The following HDAC9 variants were observed in gnomAD, a reference collection of about 807,000 sequenced individuals.
The protein encoded by HDAC9 is histone deacetylase 9, also known as MEF-2 interacting transcription repressor (MITR) protein.
HDAC9 carries 41 observed loss-of-function variants against 139.4 expected under a neutral mutation model. The ratio of observed to expected loss-of-function variants is 0.29; its 90% confidence interval spans 0.23 to 0.38. The LOEUF is 0.38. Ranked by LOEUF, HDAC9 falls within the 10% of genes least tolerant of loss-of-function variation. The pLI, the probability that HDAC9 is intolerant of heterozygous loss-of-function variation, is 1.00. For missense variants in HDAC9, 1,147 were observed against 1,297.0 expected (o/e 0.88, Z 1.78); for synonymous variants, 517 against 476.2 (o/e 1.09, Z -1.12).
chr7:18,180,542 A>G (rs994303709), intron 2 of HDAC9, among the ~76,000 whole-genome samples: 2 of 152,158 alleles, frequency 1.3e-5, no homozygotes, highest in South Asian at 2.1e-4. Flanking sequence ...AAAGAGTGTC[A>G]GAACTCAATG....
chr7:18,920,557 T>A (rs1359068910), intron 22 of HDAC9, among the ~76,000 whole-genome samples: 2 of 152,146 alleles, frequency 1.3e-5, no homozygotes, highest in African/African-American at 4.8e-5. Flanking sequence ...AGAGAGGGCA[T>A]CCCTGTCTTG....
In HDAC9 at chr7:18,836,924, T is replaced by C. The variant is rs1055623362; in HGVS notation, c.2684+927T>C. 4.6e-5 allele frequency among the ~76,000 whole-genome samples: 7 copies of C among 152,042 alleles called. 1 individual carries two copies. Among genetic ancestry groups the C allele is most frequent in the African/African-American group, 1.4e-4 (6 of 41,432 alleles). ...GTGTTCATAGTTTTGAAATTTGCCA[T>C]TTATAAGTTCCCATGAAGAAAATCC... is the stretch of plus-strand genomic sequence containing the variant. On this transcript the variant is annotated intron_variant, in intron 21 of 25. Coordinates refer to ENST00000686413, the MANE Select transcript of HDAC9 (RefSeq NM_178425.4).
intron 15 of HDAC9, among the ~76,000 whole-genome samples, chr7:18,764,628 T>A (rs1270664171): frequency 1.3e-5 from 2 of 152,130 alleles, no homozygotes; most frequent in African/African-American, 4.8e-5. Flanking sequence ...ATTGTTGTTG[T>A]TGTTTGTTTG....
chr7:18,541,991 C>T (rs1048623849), intron 2 of HDAC9, among the ~76,000 whole-genome samples: 1 of 152,086 alleles, frequency 6.6e-6, no homozygotes, highest in Non-Finnish European at 1.5e-5. Flanking sequence ...CTGGCCAGTT[C>T]TTTGTTGTGG....
chr7:18,333,505 G>A (rs990690373), intron 1 of HDAC9, among the ~76,000 whole-genome samples: 1 of 151,352 alleles, frequency 6.6e-6, no homozygotes, highest in African/African-American at 2.4e-5. Context: ...CATGTCATCA[G>A]GATATAAACC....
At chr7:18,950,688 A>G (rs1044858115) in intron 23 of HDAC9, among the ~76,000 whole-genome samples, 11 of 152,010 alleles carry the variant, frequency 7.2e-5, no homozygotes, top group African/African-American at 1.9e-4. Flanking sequence ...GGAAAGGGCC[A>G]TAGGAGGGGA....
At chr7:18,820,566 A>T (rs1412436617) in intron 17 of HDAC9, among the ~76,000 whole-genome samples, 1 of 152,140 alleles carries the variant, frequency 6.6e-6, no homozygotes, top group African/African-American at 2.4e-5. Flanking sequence ...TGGGGTGCAA[A>T]ATCGGGGGCC....
chr7:18,544,696 A>T (rs527693973), intron 2 of HDAC9, among the ~76,000 whole-genome samples: 1 of 152,192 alleles, frequency 6.6e-6, no homozygotes, highest in African/African-American at 2.4e-5. Context: ...GAACAGGAGG[A>T]TGTGGACTAT....
At chr7:18,459,638 A>C (rs998388177) in intron 1 of HDAC9, among the ~76,000 whole-genome samples, 1 of 152,068 alleles carries the variant, frequency 6.6e-6, no homozygotes, top group Non-Finnish European at 1.5e-5. Flanking sequence ...TTTAATTTTC[A>C]TGGTATTCAA....
In HDAC9 at chr7:18,114,523, C is replaced by A. The variant is rs533729091; in HGVS notation, c.-97+27310C>A. Among the ~76,000 whole-genome samples, 19 of 152,262 alleles carry A rather than the reference C, an allele frequency of 1.2e-4. No homozygotes were observed. The South Asian group carries it at 3.7e-3, about 30-fold the overall frequency. On this transcript the variant is annotated intron_variant, in intron 1 of 12. Coordinates refer to the HDAC9 transcript ENST00000417496. ...TGGAAGGCTACCTTTTTAGTCCTTA[C>A]CTGCAGGCCTGGGACAAACTTTGTT...
Position 18,904,140 on chromosome 7 carries a change from C to G in HDAC9, c.2803+29544C>G, listed in dbSNP as rs1801986337. Among the ~76,000 whole-genome samples, 3 of 152,190 alleles carry G rather than the reference C, an allele frequency of 2.0e-5. No individual in the cohort carries two copies. The South Asian group carries it at 6.2e-4, about 32-fold the overall frequency. ...TTAAAAATATGTATTTTCCCGATTT[C>G]TTTTAAGTAGATAAAGTTTACTTTC... On this transcript the variant is annotated intron_variant, in intron 22 of 25. Coordinates refer to ENST00000686413, the MANE Select transcript of HDAC9 (RefSeq NM_178425.4).
At chr7:18,679,755 A>ACC (rs1434913360) in intron 12 of HDAC9, among the ~76,000 whole-genome samples, 1 of 151,824 alleles carries the variant, frequency 6.6e-6, no homozygotes, top group Admixed American at 6.6e-5. Flanking sequence ...TAGATAATGG[A>ACC]CTATTTATAA....
intron 1 of HDAC9, among the ~76,000 whole-genome samples, chr7:18,479,804 A>T (rs1795399769): frequency 6.6e-6 from 1 of 152,020 alleles, no homozygotes; most frequent in Non-Finnish European, 1.5e-5. Flanking sequence ...TATTTTATTA[A>T]CATTATTTTA....
chr7:18,729,237 C>T (rs1459208766), intron 13 of HDAC9, among the ~76,000 whole-genome samples: 2 of 151,916 alleles, frequency 1.3e-5, no homozygotes, highest in African/African-American at 4.8e-5. Flanking sequence ...GAGTAACAAC[C>T]ATTCTATCAA....
chr7:18,520,002 T>C (rs1804511983), intron 2 of HDAC9, among the ~76,000 whole-genome samples: 1 of 152,142 alleles, frequency 6.6e-6, no homozygotes, highest in Non-Finnish European at 1.5e-5. Flanking sequence ...TAAGCTCAAC[T>C]AATGGATTCA....
At chr7:18,456,557 A>G (rs1054560466) in intron 1 of HDAC9, among the ~76,000 whole-genome samples, 4 of 152,120 alleles carry the variant, frequency 2.6e-5, no homozygotes, top group Admixed American at 6.6e-5. Context: ...TTGAGCTTAT[A>G]TATACTCACC....
intron 12 of HDAC9, among the ~76,000 whole-genome samples, chr7:18,683,485 A>G (rs1782036216): frequency 6.6e-6 from 1 of 151,858 alleles, no homozygotes; most frequent in Non-Finnish European, 1.5e-5. Context: ...AGGGTTTGAC[A>G]TCTTGTCCCT....
At chr7:18,379,915 G>A (rs1483633232) in intron 1 of HDAC9, among the ~76,000 whole-genome samples, 3 of 152,294 alleles carry the variant, frequency 2.0e-5, no homozygotes, top group African/African-American at 7.2e-5. Flanking sequence ...TTGGATTTGG[G>A]TCTTGCAGCT....
At chr7:18,908,595 C>A (rs575881795) in intron 22 of HDAC9, among the ~76,000 whole-genome samples, 6 of 152,208 alleles carry the variant, frequency 3.9e-5, no homozygotes, top group South Asian at 2.1e-4. Context: ...CTCTCTACTT[C>A]CATGACATCA....
Sources: gnomAD v4.1 joint callset for allele counts (sites outside exome capture counted in the v4.1 genomes callset) on GRCh38, gnomAD v4.1.1 for gene constraint, MANE v1.5 for transcripts, NCBI Gene and HGNC (gene_info 2026-07-23, HGNC 2026-07-21) for gene names.